CSMD2: variants seen among roughly 807,000 people sequenced by gnomAD.
CSMD2 encodes the protein CUB and sushi domain-containing protein 2.
A neutral mutation model predicts 398.5 loss-of-function variants in CSMD2; 130 were observed. The observed-to-expected ratio is 0.33, with a 90% CI of 0.28 to 0.38. The LOEUF is 0.38. Among genes scored for constraint, CSMD2 ranks in the 10% least tolerant of loss-of-function variants. The pLI is 1.00. For synonymous variants in CSMD2, 1,828 were observed against 1,908.5 expected (o/e 0.96, Z 1.10); for missense variants, 3,829 against 4,764.9 (o/e 0.80, Z 5.78).
chr1:33,750,710 G>C (rs490984), intron 13 of CSMD2, among the ~76,000 whole-genome samples: 11,278 of 152,232 alleles, frequency 0.074, 469 homozygotes, highest in Admixed American at 0.11. Flanking sequence ...GGGGGCTTTT[G>C]AAATTAGCAG....
intron 15 of CSMD2, among the ~76,000 whole-genome samples, chr1:33,736,191 A>G (rs944829112): frequency 6.6e-6 from 1 of 152,164 alleles, no homozygotes; most frequent in East Asian, 1.9e-4. Flanking sequence ...AATGAAAAAG[A>G]CCTTTTTAAC....
chr1:33,544,265 A>C (rs6663445), intron 57 of CSMD2, among the ~76,000 whole-genome samples: 27,138 of 142,836 alleles, frequency 0.19, 2,759 homozygotes, highest in East Asian at 0.34. Context: ...TGCTACCACG[A>C]CCGGCTAATT....
At chr1:34,155,329 C>T (rs748138715) in intron 1 of CSMD2, among the ~76,000 whole-genome samples, 1 of 152,150 alleles carries the variant, frequency 6.6e-6, no homozygotes, top group African/African-American at 2.4e-5. Flanking sequence ...AACAAAATAT[C>T]GTAGGAGATG....
At chr1:33,743,123 G>C (rs1399153561) in intron 14 of CSMD2, among the ~76,000 whole-genome samples, 157 bp downstream of exon 14, 1 of 152,112 alleles carries the variant, frequency 6.6e-6, no homozygotes, top group Non-Finnish European at 1.5e-5. Flanking sequence ...CCCTTTCTTG[G>C]TCATGCTGGG....
Position 33,915,349 on chromosome 1 carries a change from C to T in CSMD2, c.920+2745G>A, listed in dbSNP as rs114927276. Among the ~76,000 whole-genome samples, 1,211 of 152,256 alleles carry T rather than the reference C, an allele frequency of 8.0e-3. 12 individuals carry two copies. The highest frequency in any genetic ancestry group is 0.027 in the African/African-American group (1,134 of 41,520). On this transcript the variant is annotated intron_variant, in intron 5 of 70. Transcript: ENST00000373381. ...GGGCAAGGGAGAGAGCTGATTCTTC[C>T]CACACATACGTCCTGAGTCTCCAAG...
chr1:33,679,357 A>G (rs553076183), intron 25 of CSMD2, among the ~76,000 whole-genome samples: 1 of 152,054 alleles, frequency 6.6e-6, no homozygotes, highest in East Asian at 1.9e-4. Context: ...TCATGCCACC[A>G]CATCCAGCTA....
intron 6 of CSMD2, among the ~76,000 whole-genome samples, chr1:33,832,323 C>T (rs1443039034): frequency 6.6e-6 from 1 of 151,836 alleles, no homozygotes; most frequent in Non-Finnish European, 1.5e-5. Context: ...TCTCAGAACA[C>T]AGTGCAATCA....
intron 47 of CSMD2, among the ~76,000 whole-genome samples, chr1:33,582,368 A>G (rs1181315001): frequency 6.6e-6 from 1 of 152,194 alleles, no homozygotes; most frequent in Non-Finnish European, 1.5e-5. Flanking sequence ...CAGCCAAAAC[A>G]AGTATAACTA....
At chr1:33,809,921 T>A (rs533925660) in intron 10 of CSMD2, among the ~76,000 whole-genome samples, 25 of 152,178 alleles carry the variant, frequency 1.6e-4, no homozygotes, top group Admixed American at 1.6e-3. Context: ...CAACGATAAA[T>A]ATAAGATATT....
chr1:33,787,343 C>T (rs924961310), intron 12 of CSMD2, among the ~76,000 whole-genome samples: 16 of 152,204 alleles, frequency 1.1e-4, no homozygotes, highest in African/African-American at 3.6e-4. Flanking sequence ...AGTACAGGTC[C>T]TGGAGCAGGA....
At chr1:33,763,817 A>G (rs1342902659) in intron 13 of CSMD2, among the ~76,000 whole-genome samples, 1 of 152,182 alleles carries the variant, frequency 6.6e-6, no homozygotes, top group East Asian at 1.9e-4. Flanking sequence ...GGCTGCACAG[A>G]GCCAGTAACT....
chr1:33,863,771 A>G (rs1485690968), intron 5 of CSMD2: 2 of 168,054 alleles, frequency 1.2e-5, no homozygotes, highest in Non-Finnish European at 2.5e-5. Flanking sequence ...GGCAGACCCC[A>G]TGGCCTGTCA....
chr1:33,746,811 G>A (rs1298805802), intron 13 of CSMD2, among the ~76,000 whole-genome samples: 2 of 152,186 alleles, frequency 1.3e-5, no homozygotes, highest in African/African-American at 4.8e-5. Flanking sequence ...CTGAAAGAAG[G>A]TGACATGAAC....
At chr1:33,848,956 G>A (rs1394467316) in intron 5 of CSMD2, among the ~76,000 whole-genome samples, 1 of 152,132 alleles carries the variant, frequency 6.6e-6, no homozygotes, top group East Asian at 1.9e-4. Context: ...GGAATGAGGG[G>A]AGGGTGCTGA....
chr1:33,767,760 C>T (rs1314383342), intron 13 of CSMD2, among the ~76,000 whole-genome samples: 1 of 152,166 alleles, frequency 6.6e-6, no homozygotes, highest in Non-Finnish European at 1.5e-5. Flanking sequence ...TTGGATTTGT[C>T]TAACTCCTGT....
intron 5 of CSMD2, among the ~76,000 whole-genome samples, chr1:33,892,067 TAA>T (rs902216117): frequency 3.6e-5 from 5 of 140,632 alleles, no homozygotes; most frequent in Non-Finnish European, 7.7e-5. Flanking sequence ...ATAATAATAA[TAA>T]AAAGAAAACC....
chr1:34,098,271 G>A (rs898058149), intron 1 of CSMD2, among the ~76,000 whole-genome samples: 6 of 113,224 alleles, frequency 5.3e-5, no homozygotes, highest in African/African-American at 2.0e-4. Context: ...TGTGGGGTGG[G>A]GGGAGGGGGG....
At chr1:33,727,930 TG>T (rs1275884955) in intron 15 of CSMD2, among the ~76,000 whole-genome samples, 1 of 152,140 alleles carries the variant, frequency 6.6e-6, no homozygotes, top group Non-Finnish European at 1.5e-5. Flanking sequence ...TGCCATTGAC[TG>T]GGGGTTGACT....
At chr1:33,967,072 A>C (rs1318745554) in intron 3 of CSMD2, among the ~76,000 whole-genome samples, 3 of 152,192 alleles carry the variant, frequency 2.0e-5, no homozygotes, top group African/African-American at 7.2e-5. Context: ...TTAGTCTTAG[A>C]AGCTTTAGTT....
Sources: gnomAD v4.1 joint callset for allele counts (sites outside exome capture counted in the v4.1 genomes callset) on GRCh38, gnomAD v4.1.1 for gene constraint, MANE v1.5 for transcripts, NCBI Gene and HGNC (gene_info 2026-07-23, HGNC 2026-07-21) for gene names.